The following KIRREL3 variants were observed in gnomAD, a reference collection of about 807,000 sequenced individuals.
KIRREL3 encodes the protein kin of IRRE-like protein 3.
A neutral mutation model predicts 89.7 loss-of-function variants in KIRREL3; 36 were observed. The observed-to-expected ratio is 0.40, with a 90% confidence interval of 0.31 to 0.53. The LOEUF is 0.53. Among genes scored for constraint, KIRREL3 ranks in the 20% least tolerant of loss-of-function variants. The pLI is 0.49. For missense variants in KIRREL3, 864 were observed against 1,056.6 expected, an observed-to-expected ratio of 0.82 and a Z score of 2.53; for synonymous variants, 445 against 441.4, an observed-to-expected ratio of 1.01 and a Z score of -0.10.
chr11:126,667,422 G>C (rs1306499416), intron 1 of KIRREL3, among the ~76,000 whole-genome samples: 1 of 152,234 alleles, frequency 6.6e-6, no homozygotes, highest in Admixed American at 6.5e-5. Context: ...TAGTCTATGA[G>C]TTTAATGGAG....
intron 1 of KIRREL3, among the ~76,000 whole-genome samples, chr11:126,938,865 G>A (rs1238452487): frequency 1.3e-5 from 2 of 151,988 alleles, no homozygotes; most frequent in Non-Finnish European, 2.9e-5. Flanking sequence ...CAGAGAGTGG[G>A]TAACAATTAA....
At chr11:126,907,267 G>A (rs1946624875) in intron 1 of KIRREL3, among the ~76,000 whole-genome samples, 1 of 152,226 alleles carries the variant, frequency 6.6e-6, no homozygotes, top group African/African-American at 2.4e-5. Context: ...AAGATGCCCT[G>A]AACACGATGT....
At chr11:127,001,900 G>C (rs73018730), upstream of KIRREL3, among the ~76,000 whole-genome samples, 40 of 152,166 alleles carry the variant, frequency 2.6e-4, no homozygotes, top group Non-Finnish European at 5.4e-4. Context: ...GTGAGAAGGA[G>C]AGGTAAAGAG....
At chr11:126,921,403 CTATCTAT>C (rs1565419047) in intron 1 of KIRREL3, among the ~76,000 whole-genome samples, 144 of 108,540 alleles carry the variant, frequency 1.3e-3, no homozygotes, top group Middle Eastern at 4.6e-3. Context: ...ATCTATCTAT[CTATCTAT>C]CTATCTATCT....
chr11:126,520,916 A>C lies in KIRREL3; in HGVS notation c.433+399T>G, dbSNP rs1958565703. 6.6e-6 allele frequency among the ~76,000 whole-genome samples: 1 copy of C among 152,168 alleles called. No homozygotes were observed. Among genetic ancestry groups the C allele is most frequent in the Non-Finnish European group, 1.5e-5 (1 of 68,024 alleles). ...GGTGGAAAGATAGGGCTTTGTTAGCACCGGAGTGGGGGTCAGTTCAGAAAG... is the reference window on the plus strand; with the variant it reads ...GGTGGAAAGATAGGGCTTTGTTAGCCCCGGAGTGGGGGTCAGTTCAGAAAG... On this transcript the variant is annotated intron_variant, in intron 4 of 16. Transcript: ENST00000525144. This position sits in a 1 kb window ranked among gnomAD's most constrained non-coding sequence, Gnocchi z 4.9.
intron 4 of KIRREL3, among the ~76,000 whole-genome samples, chr11:126,503,239 G>A (rs1957918268): frequency 6.6e-6 from 1 of 152,124 alleles, no homozygotes; most frequent in South Asian, 2.1e-4. Flanking sequence ...CTGGTGGGGG[G>A]CGTCCGAGCC....
At position 126,424,301 on chromosome 11, in the gene KIRREL3, C is replaced by T; in HGVS notation, c.*279G>A. The T allele has an allele frequency of 2.0e-6, 1 of 509,052 alleles. No homozygotes were observed. Among genetic ancestry groups the T allele is most frequent in the Admixed American group, 3.3e-5 (1 of 30,576 alleles). 31.5% of individuals were successfully genotyped at this position (509,052 alleles called of 1,614,324 possible). A position where few individuals can be genotyped will look rare whatever the true frequency, so the allele number is the denominator to read the frequency against. ...GCAGAGCAGGTGGTAGAGGGGCCTC[C>T]AGGAAAGGGCCGGGGACACGGGTGT... is the stretch of plus-strand genomic sequence containing the variant. On this transcript the variant is annotated 3_prime_UTR_variant, in exon 17 of 17. Coordinates refer to ENST00000525144, the MANE Select transcript of KIRREL3 (RefSeq NM_032531.4).
At chr11:126,538,256 A>C (rs1304843073) in intron 2 of KIRREL3, among the ~76,000 whole-genome samples, 6 of 152,346 alleles carry the variant, frequency 3.9e-5, no homozygotes, top group Non-Finnish European at 1.5e-5. Context: ...GCCTTTTATT[A>C]GTGACCAATT....
intron 1 of KIRREL3, among the ~76,000 whole-genome samples, chr11:126,617,067 G>A (rs1186958072): frequency 6.6e-6 from 1 of 152,252 alleles, no homozygotes; most frequent in East Asian, 1.9e-4. Flanking sequence ...AGGCAGGTTG[G>A]AGGTTGGGGG....
Position 126,989,980 on chromosome 11 carries a change from GT to G in KIRREL3, c.55+10474del, listed in dbSNP as rs1312522515. Among the ~76,000 whole-genome samples the G allele has an allele frequency of 6.6e-6, 1 of 152,062 alleles. No individual in the cohort carries two copies. The highest frequency in any genetic ancestry group is 1.5e-5 in the Non-Finnish European group (1 of 68,030). ...CCTCATTTTAGCATCTGTTTGTTTTGTTTTTTCAGCATTTGCGGGGAATGAC... is the reference window on the plus strand; with the variant it reads ...CCTCATTTTAGCATCTGTTTGTTTTGTTTTTCAGCATTTGCGGGGAATGAC... On this transcript the variant is annotated intron_variant, in intron 1 of 16. Transcript: ENST00000525144. The surrounding 1 kb of genome is among the most constrained non-coding windows in gnomAD (Gnocchi z 6.2).
rs1939632904 is a variant in KIRREL3, at chr11:126,555,482, C to CACTGGAGCAGAG, written c.133+7341_133+7352dup. ...AGGAGGGATGGGTCAGTGGAGGCAT[C>CACTGGAGCAGAG]ACTGGAGCAGAGACTTGAGCTGTGA... is the stretch of plus-strand genomic sequence containing the variant. On this transcript the variant is annotated intron_variant, in intron 2 of 16. Coordinates refer to ENST00000525144, the MANE Select transcript of KIRREL3 (RefSeq NM_032531.4). This position sits in a 1 kb window ranked among gnomAD's most constrained non-coding sequence, Gnocchi z 4.2. 6.6e-6 allele frequency among the ~76,000 whole-genome samples: 1 copy of CACTGGAGCAGAG among 152,142 alleles called. No individual in the cohort carries two copies. The highest frequency in any genetic ancestry group is 1.5e-5 in the Non-Finnish European group (1 of 68,030).
intron 1 of KIRREL3, among the ~76,000 whole-genome samples, chr11:126,572,575 C>T (rs568375642): frequency 4.2e-5 from 4 of 94,132 alleles, no homozygotes; most frequent in Admixed American, 1.1e-4. Flanking sequence ...AGAGGGGACC[C>T]CCCCCCCGCC....
chr11:126,778,960 C>G lies in KIRREL3; in HGVS notation c.56-216048G>C, dbSNP rs927138029. 3.9e-5 allele frequency among the ~76,000 whole-genome samples: 6 copies of G among 152,170 alleles called. No homozygotes were observed. The highest frequency in any genetic ancestry group is 5.9e-5 in the Non-Finnish European group (4 of 68,032). On this transcript the variant is annotated intron_variant, in intron 1 of 16. Coordinates refer to ENST00000525144, the MANE Select transcript of KIRREL3 (RefSeq NM_032531.4). This position sits in a 1 kb window ranked among gnomAD's most constrained non-coding sequence, Gnocchi z 4.5. ...ACACAAGGTAATACATGTAAGAGCA[C>G]CTAGCGCGGAACTTGGAACACAGCA...
At chr11:126,959,786 T>C (rs1285500677) in intron 1 of KIRREL3, among the ~76,000 whole-genome samples, 2 of 152,132 alleles carry the variant, frequency 1.3e-5, no homozygotes, top group Non-Finnish European at 1.5e-5. Context: ...CCACCTCTTC[T>C]ACACTCTCTG....
chr11:126,838,111 A>T (rs933898876), intron 1 of KIRREL3, among the ~76,000 whole-genome samples: 2 of 152,234 alleles, frequency 1.3e-5, no homozygotes, highest in African/African-American at 2.4e-5. Flanking sequence ...AATAAGATAC[A>T]GCAACTACAA....
intron 10 of KIRREL3, among the ~76,000 whole-genome samples, chr11:126,442,242 CAG>C (rs1955594395): frequency 7.8e-6 from 1 of 128,398 alleles, no homozygotes; most frequent in African/African-American, 2.9e-5. Flanking sequence ...GCCTGGGCGA[CAG>C]AGCGAGACTC....
Position 126,548,809 on chromosome 11 carries a change from A to G in KIRREL3, c.133+14026T>C, listed in dbSNP as rs1051671441. On this transcript the variant is annotated intron_variant, in intron 2 of 16. Transcript: ENST00000525144. ...TAGGAACAGCGCAGGGGTGACTGTC[A>G]ATCAAGGCAATGACGTCAGTGGGCT... 3.9e-5 allele frequency among the ~76,000 whole-genome samples: 6 copies of G among 152,148 alleles called. No homozygotes were observed. The South Asian group carries it at 1.2e-3, about 32-fold the overall frequency.
chr11:126,815,844 T>A (rs1316672205), intron 1 of KIRREL3, among the ~76,000 whole-genome samples: 1 of 152,158 alleles, frequency 6.6e-6, no homozygotes, highest in East Asian at 1.9e-4. Flanking sequence ...CGAGCTATTA[T>A]TTTTATCATG....
At position 126,985,619 on chromosome 11, in the gene KIRREL3, G is replaced by A. The variant is rs2135260771; in HGVS notation, c.55+14836C>T. On this transcript the variant is annotated intron_variant, in intron 1 of 16. Coordinates refer to ENST00000525144, the MANE Select transcript of KIRREL3 (RefSeq NM_032531.4). This position sits in a 1 kb window ranked among gnomAD's most constrained non-coding sequence, Gnocchi z 5.3. ...ACTCCAGAGGGACAGGAGGCACGAG[G>A]GAGCAGAGCACATTCGGACAATGTC... Among the ~76,000 whole-genome samples, 1 of 152,228 alleles carries A rather than the reference G, an allele frequency of 6.6e-6. No homozygotes were observed. Among genetic ancestry groups the A allele is most frequent in the East Asian group, 1.9e-4 (1 of 5,162 alleles).
Sources: allele counts gnomAD v4.1 joint callset (sites outside exome capture counted in the v4.1 genomes callset), GRCh38; gene constraint gnomAD v4.1.1; non-coding constraint Gnocchi (gnomAD v3.1); transcripts MANE v1.5; gene names NCBI Gene and HGNC (gene_info 2026-07-23, HGNC 2026-07-21).